The following BMP2K variants were observed in gnomAD, a reference collection of about 807,000 sequenced individuals.
The protein encoded by BMP2K is BMP2 inducible kinase.
In BMP2K, 74 loss-of-function variants were observed where a neutral mutation model predicts 116.0. The ratio of observed to expected loss-of-function variants is 0.64; its 90% confidence interval spans 0.53 to 0.77. The LOEUF is 0.77. Ranked by LOEUF, BMP2K falls within the 30% of genes least tolerant of loss-of-function variation. The pLI is 0.00. For missense variants in BMP2K, 1,365 were observed against 1,403.6 expected (o/e 0.97, Z 0.44); for synonymous variants, 486 against 502.5 (o/e 0.97, Z 0.44).
At chr4:78,826,692 C>T (rs913839213) in intron 2 of BMP2K, among the ~76,000 whole-genome samples, 7 of 152,076 alleles carry the variant, frequency 4.6e-5, no homozygotes, top group South Asian at 4.2e-4. Flanking sequence ...TGAGAATGCT[C>T]GAGGCCCGTA....
chr4:78,804,400 G>A (rs928707979), intron 1 of BMP2K, among the ~76,000 whole-genome samples: 4 of 152,044 alleles, frequency 2.6e-5, no homozygotes, highest in Non-Finnish European at 1.5e-5. Flanking sequence ...GAACATTTAC[G>A]TAAAATTTTT....
At chr4:78,865,234 T>C (rs1240021514) in intron 9 of BMP2K, among the ~76,000 whole-genome samples, 1 of 152,238 alleles carries the variant, frequency 6.6e-6, no homozygotes, top group Non-Finnish European at 1.5e-5. Context: ...TCCAAAAGCT[T>C]ATGAAAAGGT....
Position 78,776,571 on chromosome 4 carries a change from T to G in BMP2K, c.28T>G (p.Ser10Ala). MKKFSRMPK[S>A]EGGSGGGAAG... ...GAAGAAGTTCTCTCGGATGCCCAAG[T>G]CGGAGGGCGGCAGCGGCGGCGGAGC... Residue 10 changes from serine (S) to alanine (A), a missense_variant, in exon 1 of 16, where the codon TCG becomes GCG. Physicochemically the swap from Ser to Ala is moderately conservative, Grantham distance 99. Around this residue, in one of 3 missense-constraint regions of BMP2K, gnomAD observed 762 missense variants for 756.7 expected, o/e 1.01. Coordinates refer to ENST00000502613, the MANE Select transcript of BMP2K (RefSeq NM_198892.2). The G allele has an allele frequency of 8.7e-7, 1 of 1,143,520 alleles. No individual in the cohort carries two copies. Among genetic ancestry groups the G allele is most frequent in the Non-Finnish European group, 1.1e-6 (1 of 928,076 alleles). The allele number at this position is 1,143,520 out of a possible 1,614,324, so 70.8% of individuals were successfully genotyped here.
At chr4:78,868,179 G>A (rs762606239) in intron 10 of BMP2K, among the ~76,000 whole-genome samples, 30 of 152,148 alleles carry the variant, frequency 2.0e-4, no homozygotes, top group Non-Finnish European at 3.8e-4. Context: ...GGTTTAATTG[G>A]ACTTGCATTT....
Position 78,796,426 on chromosome 4 carries a change from A to C in BMP2K, c.178+19705A>C, listed in dbSNP as rs1728279626. Among the ~76,000 whole-genome samples, 5 of 150,810 alleles carry C rather than the reference A, an allele frequency of 3.3e-5. No individual in the cohort carries two copies. In the South Asian group the frequency reaches 1.1e-3, roughly 32 times the overall value. ...GGGGAGGGATAGCATTGGGAGATAT[A>C]CCTAATGCTAGATGACGAGTTAGTG... On this transcript the variant is annotated intron_variant, in intron 1 of 15. Coordinates refer to ENST00000502613, the MANE Select transcript of BMP2K (RefSeq NM_198892.2).
chr4:78,909,033 C>G (rs1734429412), intron 15 of BMP2K, among the ~76,000 whole-genome samples: 1 of 150,968 alleles, frequency 6.6e-6, no homozygotes, highest in Admixed American at 6.6e-5. Flanking sequence ...TGCCTGAACT[C>G]CCCTTCTTAC....
chr4:78,798,152 A>G (rs1326902142), intron 1 of BMP2K, among the ~76,000 whole-genome samples: 1 of 152,168 alleles, frequency 6.6e-6, no homozygotes, highest in African/African-American at 2.4e-5. Context: ...CTTAGGCCTA[A>G]GAATCAAAAA....
At chr4:78,788,658 A>T (rs1387465445) in intron 1 of BMP2K, among the ~76,000 whole-genome samples, 2 of 151,644 alleles carry the variant, frequency 1.3e-5, no homozygotes, top group East Asian at 3.9e-4. Flanking sequence ...TTTTCACCTT[A>T]GTGCAGTGGG....
Position 78,776,567 on chromosome 4 carries a change from C to T in BMP2K, c.24C>T (p.Pro8=). The change falls in exon 1 of 16, where the codon CCC becomes CCT. Residue 8 remains proline (P), a synonymous_variant. Transcript: ENST00000502613. The part of the protein sequence containing the change: MKKFSRM[P]KSEGGSGGGA... ...CCATGAAGAAGTTCTCTCGGATGCCCAAGTCGGAGGGCGGCAGCGGCGGCG... is the reference window on the plus strand; with the variant it reads ...CCATGAAGAAGTTCTCTCGGATGCCTAAGTCGGAGGGCGGCAGCGGCGGCG... The T allele has an allele frequency of 1.7e-6, 2 of 1,152,760 alleles. No homozygotes were observed. Among genetic ancestry groups the T allele is most frequent in the Non-Finnish European group, 2.1e-6 (2 of 933,054 alleles). The allele number at this position is 1,152,760 out of a possible 1,614,324, so 71.4% of individuals were successfully genotyped here. A position where few individuals can be genotyped will look rare whatever the true frequency, so the allele number is the denominator to read the frequency against.
intron 15 of BMP2K, 77 bp downstream of exon 15, chr4:78,887,361 G>A: frequency 3.8e-6 from 4 of 1,047,134 alleles, no homozygotes; most frequent in Non-Finnish European, 5.8e-6. Context: ...TAAAGTGGAA[G>A]TAAGACTCTG....
intron 15 of BMP2K, among the ~76,000 whole-genome samples, chr4:78,890,621 A>G (rs1733383467): frequency 6.6e-6 from 1 of 152,032 alleles, no homozygotes; most frequent in African/African-American, 2.4e-5. Context: ...TTGTTTGCTT[A>G]GTTTTTTATG....
rs1358646210 is a variant in BMP2K at position 78,912,140 on chromosome 4, G to C, written c.*107G>C. On this transcript the variant is annotated 3_prime_UTR_variant, in exon 16 of 16. Transcript: ENST00000502613. ...GCTCTTTATAGCATTCATTCTTAAAGATCAGTCAGAATAGGTGATTTCTAA... is the reference window on the plus strand; with the variant it reads ...GCTCTTTATAGCATTCATTCTTAAACATCAGTCAGAATAGGTGATTTCTAA... The C allele has an allele frequency of 1.0e-6, 1 of 1,004,676 alleles. No individual in the cohort carries two copies. The highest frequency in any genetic ancestry group is 1.5e-6 in the Non-Finnish European group (1 of 668,506). 62.2% of individuals were successfully genotyped at this position (1,004,676 alleles called of 1,614,324 possible). A position where few individuals can be genotyped will look rare whatever the true frequency, so the allele number is the denominator to read the frequency against.
intron 15 of BMP2K, among the ~76,000 whole-genome samples, chr4:78,892,418 C>G (rs182049435): frequency 3.4e-4 from 51 of 152,232 alleles, no homozygotes; most frequent in African/African-American, 1.1e-3. Context: ...TGTGGAGGAT[C>G]TATTCTGATA....
intron 1 of BMP2K, among the ~76,000 whole-genome samples, chr4:78,802,825 G>A (rs1244782884): frequency 6.7e-6 from 1 of 150,060 alleles, no homozygotes; most frequent in East Asian, 1.9e-4. Flanking sequence ...AATCGAATCA[G>A]CATTTATAAT....
At chr4:78,791,324 C>T (rs115817213) in intron 1 of BMP2K, among the ~76,000 whole-genome samples, 20 of 152,260 alleles carry the variant, frequency 1.3e-4, no homozygotes, top group African/African-American at 4.1e-4. Flanking sequence ...AATACTAAGA[C>T]GTATTTGCCA....
intron 15 of BMP2K, among the ~76,000 whole-genome samples, chr4:78,902,769 A>ATTC (rs1462385297): frequency 6.6e-6 from 1 of 152,140 alleles, no homozygotes; most frequent in Non-Finnish European, 1.5e-5. Flanking sequence ...GGGAAACCTG[A>ATTC]TTCTAGAAGA....
chr4:78,804,256 T>A (rs888878326), intron 1 of BMP2K, among the ~76,000 whole-genome samples: 1 of 152,222 alleles, frequency 6.6e-6, no homozygotes, highest in Non-Finnish European at 1.5e-5. Context: ...TCATTTAGCA[T>A]GTTTTAAGTT....
chr4:78,829,982 C>T (rs1361897014), intron 2 of BMP2K, among the ~76,000 whole-genome samples: 1 of 151,920 alleles, frequency 6.6e-6, no homozygotes, highest in African/African-American at 2.4e-5. Flanking sequence ...TCAAGTGATT[C>T]TAATGCCCCA....
intron 1 of BMP2K, among the ~76,000 whole-genome samples, chr4:78,818,793 T>G (rs1258729874): frequency 6.6e-6 from 1 of 151,098 alleles, no homozygotes; most frequent in African/African-American, 2.4e-5. Flanking sequence ...AAGCAGTGTT[T>G]TTTTTTTTTT....
Sources: gnomAD v4.1 joint callset for allele counts (sites outside exome capture counted in the v4.1 genomes callset) on GRCh38, gnomAD v4.1.1 for gene constraint, gnomAD v4.1.1 regional missense constraint, MANE v1.5 for transcripts, NCBI Gene and HGNC (gene_info 2026-07-23, HGNC 2026-07-21) for gene names.